Variants in DAG1 observed in about 807,000 individuals in gnomAD.
DAG1 encodes the protein dystroglycan 1.
In DAG1, 8 loss-of-function variants were observed where a neutral mutation model predicts 46.1. That is an observed-to-expected ratio of 0.17 (90% CI 0.10 to 0.31). DAG1 has a LOEUF of 0.31. Among genes scored for constraint, DAG1 ranks in the 10% least tolerant of loss-of-function variants. The pLI is 1.00. For synonymous variants in DAG1, 495 were observed against 481.8 expected, an observed-to-expected ratio of 1.03 and a Z score of -0.36; for missense variants, 1,003 against 1,189.9, an observed-to-expected ratio of 0.84 and a Z score of 2.31.
chr3:49,527,871 A>G (rs2051227100), intron 2 of DAG1, among the ~76,000 whole-genome samples: 1 of 152,134 alleles, frequency 6.6e-6, no homozygotes, highest in African/African-American at 2.4e-5. Context: ...TCTCCTCTGC[A>G]GTTGGCTTCT....
Position 49,523,052 on chromosome 3 carries a change from C to T in DAG1, c.286-7745C>T, listed in dbSNP as rs545252347. On this transcript the variant is annotated intron_variant, in intron 2 of 2. Transcript: ENST00000308775. ...AGCTTGTCACCCCAAACTCATGTGC[C>T]TCTGTGCCTCTGCTGCTAAGGACCT... 3.9e-5 allele frequency among the ~76,000 whole-genome samples: 6 copies of T among 152,334 alleles called. No homozygotes were observed. The East Asian group carries it at 9.6e-4, about 24-fold the overall frequency.
At chr3:49,476,807 G>T (rs1331258957) in intron 1 of DAG1, 1 of 152,026 alleles carries the variant, frequency 6.6e-6, no homozygotes, top group Non-Finnish European at 1.5e-5. Flanking sequence ...TTCTATTTCA[G>T]TTGTGGGCAT....
In DAG1 at chr3:49,507,623, T is replaced by A. The variant is rs1165373070; in HGVS notation, c.-116-2796T>A. 2.6e-5 allele frequency among the ~76,000 whole-genome samples: 4 copies of A among 151,140 alleles called. No individual in the cohort carries two copies. In the East Asian group the frequency reaches 7.7e-4, roughly 29 times the overall value. Reference sequence around the variant, plus strand: ...CAATTTCCTTAATATTTTTCTTTTCTTTTTTTTCTTTTTTTTTCTTTTTCT... The same window carrying A: ...CAATTTCCTTAATATTTTTCTTTTCATTTTTTTCTTTTTTTTTCTTTTTCT... On this transcript the variant is annotated intron_variant, in intron 1 of 2. Transcript: ENST00000308775.
intron 1 of DAG1, among the ~76,000 whole-genome samples, chr3:49,504,569 T>C (rs1308057927): frequency 0.02 from 15 of 754 alleles, no homozygotes; most frequent in African/African-American, 0.033. Context: ...AATACAGTCT[T>C]TTTTTTTTTT....
chr3:49,508,873 C>T (rs2050685842), intron 1 of DAG1, among the ~76,000 whole-genome samples: 1 of 152,166 alleles, frequency 6.6e-6, no homozygotes, highest in Admixed American at 6.5e-5. Context: ...TTACAGTTGC[C>T]ACATGAATGT....
rs1288104922 is a variant in DAG1, at chr3:49,473,426, C to CA, written c.-117+3003dup. Among the ~76,000 whole-genome samples, 195 of 145,016 alleles carry CA rather than the reference C, an allele frequency of 1.3e-3. 1 individual carries two copies. The highest frequency in any genetic ancestry group is 3.7e-3 in the African/African-American group (146 of 39,626). On this transcript the variant is annotated intron_variant, in intron 1 of 2. Coordinates refer to ENST00000308775, the MANE Select transcript of DAG1 (RefSeq NM_004393.6). ...GACAGAGCGAGACTCCGTCTCAAAA[C>CA]AAAAAAAAAACACAAAAAAAACACA...
At position 49,533,242 on chromosome 3, in the gene DAG1, G is replaced by A. The variant is rs749982614; in HGVS notation, c.*43G>A. ...GGAGGCAGGGTAGGGCAGGGGCCTGGAGACGACATGGTGTTGTCTGTGGAG... is the reference window on the plus strand; with the variant it reads ...GGAGGCAGGGTAGGGCAGGGGCCTGAAGACGACATGGTGTTGTCTGTGGAG... On this transcript the variant is annotated 3_prime_UTR_variant, in exon 3 of 3. Transcript: ENST00000308775. 6.2e-7 allele frequency: 1 copy of A among 1,602,668 alleles called. No homozygotes were observed. Among genetic ancestry groups the A allele is most frequent in the Non-Finnish European group, 8.5e-7 (1 of 1,179,538 alleles).
intron 2 of DAG1, among the ~76,000 whole-genome samples, chr3:49,514,423 C>T (rs1480275353): frequency 1.3e-5 from 2 of 152,184 alleles, no homozygotes; most frequent in East Asian, 1.9e-4. Flanking sequence ...CATACACACA[C>T]AGACGTCTTA....
intron 1 of DAG1, among the ~76,000 whole-genome samples, chr3:49,507,839 CTGTAAAATAATTT>C: frequency 6.6e-6 from 1 of 151,952 alleles, no homozygotes; most frequent in East Asian, 1.9e-4. Context: ...CTTTCTGCCT[CTGTAAAATAATTT>C]TCTTAATAGA....
chr3:49,532,533 C>T lies in DAG1; in HGVS notation c.2022C>T (p.Ile674=), dbSNP rs199795910. ...TGGAGCCCTGCCCCAAGGAGCAGAT[C>T]GCTGGGCTGAGCCGCCGGATCGCTG... ...LPLEPCPKEQ[I]AGLSRRIAED... Residue 674 remains isoleucine (I), a synonymous_variant, in exon 3 of 3, where the codon ATC becomes ATT. Coordinates refer to ENST00000308775, the MANE Select transcript of DAG1 (RefSeq NM_004393.6). This position sits in a 1 kb window ranked among gnomAD's most constrained non-coding sequence, Gnocchi z 5.4. 21 of 1,613,896 alleles carry T rather than the reference C, an allele frequency of 1.3e-5. No individual in the cohort carries two copies. Among genetic ancestry groups the T allele is most frequent in the African/African-American group, 4.0e-5 (3 of 75,068 alleles).
At chr3:49,479,784 C>A (rs1451306689) in intron 1 of DAG1, among the ~76,000 whole-genome samples, 1 of 148,056 alleles carries the variant, frequency 6.8e-6, no homozygotes, top group African/African-American at 2.5e-5. Context: ...ATTACAGGCG[C>A]GCACCACCAC....
intron 1 of DAG1, among the ~76,000 whole-genome samples, chr3:49,484,338 G>T (rs1036543186): frequency 1.3e-5 from 2 of 151,928 alleles, no homozygotes; most frequent in Non-Finnish European, 2.9e-5. Context: ...TGCTTGTAGT[G>T]CCAGCCCTAA....
chr3:49,495,761 A>G (rs747938080), intron 1 of DAG1, among the ~76,000 whole-genome samples: 5 of 152,044 alleles, frequency 3.3e-5, no homozygotes, highest in Non-Finnish European at 4.4e-5. Flanking sequence ...CTGTACTACA[A>G]ATACAAAAAT....
chr3:49,532,998 T>C lies in DAG1; in HGVS notation c.2487T>C (p.Pro829=), dbSNP rs779547667. The change falls in exon 3 of 3, where the codon CCT becomes CCC. Residue 829 remains proline (P), a synonymous_variant. Coordinates refer to ENST00000308775, the MANE Select transcript of DAG1 (RefSeq NM_004393.6). This position sits in a 1 kb window ranked among gnomAD's most constrained non-coding sequence, Gnocchi z 5.4. ...LQEEKAPLPP[P]EYPNQSVPET... ...AGGAGAAGGCTCCCCTACCCCCTCC[T>C]GAGTACCCCAACCAGAGTGTGCCCG... The C allele has an allele frequency of 6.2e-7, 1 of 1,613,914 alleles. No homozygotes were observed.
intron 1 of DAG1, among the ~76,000 whole-genome samples, chr3:49,472,676 G>A (rs2049556060): frequency 6.6e-6 from 1 of 152,092 alleles, no homozygotes; most frequent in South Asian, 2.1e-4. Context: ...GCGTGGTGGT[G>A]GGCACCTGTA....
Position 49,531,493 on chromosome 3 carries a change from A to G in DAG1, c.982A>G (p.Thr328Ala), listed in dbSNP as rs1352857133. The stretch of plus-strand genomic sequence containing the variant: ...ACCTGTCACTGCCATTGGGCCCCCA[A>G]CCACGGCTATCCAGGAGCCCCCATC... The part of the protein sequence containing the change: ...PTPVTAIGPP[T>A]TAIQEPPSRI... The change falls in exon 3 of 3, where the codon ACC (threonine) becomes GCC (alanine). Residue 328 changes from threonine (T) to alanine (A), a missense_variant. Thr to Ala is a moderately conservative substitution (Grantham distance 58). Coordinates refer to ENST00000308775, the MANE Select transcript of DAG1 (RefSeq NM_004393.6). The surrounding 1 kb of genome is among the most constrained non-coding windows in gnomAD (Gnocchi z 7.0). 12 of 1,613,452 alleles carry G rather than the reference A, an allele frequency of 7.4e-6. No individual in the cohort carries two copies. The highest frequency in any genetic ancestry group is 8.5e-6 in the Non-Finnish European group (10 of 1,179,574).
At chr3:49,490,715 G>T (rs1186052771) in intron 1 of DAG1, among the ~76,000 whole-genome samples, 1 of 151,336 alleles carries the variant, frequency 6.6e-6, no homozygotes, top group Non-Finnish European at 1.5e-5. Context: ...GACTGCAGGT[G>T]CAGGCTACCA....
chr3:49,476,360 C>T (rs1024472765), intron 1 of DAG1, among the ~76,000 whole-genome samples: 3 of 152,038 alleles, frequency 2.0e-5, no homozygotes, highest in Non-Finnish European at 4.4e-5. Context: ...GAGGCCGAGC[C>T]GTGTGGATCA....
chr3:49,479,082 C>T (rs1466229952), intron 1 of DAG1, among the ~76,000 whole-genome samples: 1 of 151,936 alleles, frequency 6.6e-6, no homozygotes, highest in African/African-American at 2.4e-5. Context: ...GCTGGGATTA[C>T]AGGCGTGAGG....
Sources: allele counts gnomAD v4.1 joint callset (sites outside exome capture counted in the v4.1 genomes callset), GRCh38; gene constraint gnomAD v4.1.1; non-coding constraint Gnocchi (gnomAD v3.1); transcripts MANE v1.5; gene names NCBI Gene and HGNC (gene_info 2026-07-23, HGNC 2026-07-21).